The following ZSWIM5 variants were observed in gnomAD, a reference collection of about 807,000 sequenced individuals.
ZSWIM5 encodes zinc finger SWIM-type containing 5, also known as zinc finger SWIM domain-containing protein 5.
A neutral mutation model predicts 119.6 loss-of-function variants in ZSWIM5; 55 were observed. That is an observed-to-expected ratio of 0.46 (90% CI 0.37 to 0.58). The LOEUF (loss-of-function observed/expected upper bound fraction) is 0.58. Ranked by LOEUF, ZSWIM5 falls within the 20% of genes least tolerant of loss-of-function variation. ZSWIM5 has a pLI of 0.00. For missense variants in ZSWIM5, 1,193 were observed against 1,512.8 expected, an observed-to-expected ratio of 0.79 and a Z score of 3.51; for synonymous variants, 537 against 606.9, an observed-to-expected ratio of 0.88 and a Z score of 1.69.
At chr1:45,032,477 T>C (rs189704835) in intron 11 of ZSWIM5, among the ~76,000 whole-genome samples, 1 of 122,554 alleles carries the variant, frequency 8.2e-6, no homozygotes, top group Non-Finnish European at 1.6e-5. Context: ...AATTCTAGTT[T>C]GACAGTTTTT....
At chr1:45,082,802 G>A (rs1039277317) in intron 2 of ZSWIM5, among the ~76,000 whole-genome samples, 2 of 152,202 alleles carry the variant, frequency 1.3e-5, no homozygotes, top group South Asian at 4.1e-4. Context: ...GAAGTGTAAT[G>A]AGGAATGTAG....
intron 1 of ZSWIM5, among the ~76,000 whole-genome samples, chr1:45,113,891 G>A (rs1265712984): frequency 6.6e-6 from 1 of 152,114 alleles, no homozygotes; most frequent in Non-Finnish European, 1.5e-5. Context: ...AAACCATCCT[G>A]ATCACTTAAT....
chr1:45,186,534 G>C (rs1646060384), intron 1 of ZSWIM5, among the ~76,000 whole-genome samples: 1 of 151,946 alleles, frequency 6.6e-6, no homozygotes, highest in Admixed American at 6.6e-5. Context: ...AAAAGACATG[G>C]AAAGAGATTC....
chr1:45,065,320 G>C (rs1269767606), intron 2 of ZSWIM5, among the ~76,000 whole-genome samples: 3 of 152,186 alleles, frequency 2.0e-5, no homozygotes, highest in African/African-American at 7.2e-5. Flanking sequence ...CCCTGGGGTG[G>C]TTAAGTTAGG....
chr1:45,056,778 G>A (rs1342542242), intron 4 of ZSWIM5, among the ~76,000 whole-genome samples: 1 of 152,172 alleles, frequency 6.6e-6, no homozygotes, highest in African/African-American at 2.4e-5. Context: ...GGCCTTTCAT[G>A]ACAGCAGAGA....
At chr1:45,041,255 T>C (rs776765015) in intron 6 of ZSWIM5, among the ~76,000 whole-genome samples, 4 of 152,154 alleles carry the variant, frequency 2.6e-5, no homozygotes, top group Non-Finnish European at 4.4e-5. Flanking sequence ...TGGCCTAAGA[T>C]AGCCTGGAAA....
intron 7 of ZSWIM5, 123 bp downstream of exon 7, chr1:45,040,269 T>G (rs1437994497): frequency 9.6e-7 from 1 of 1,041,756 alleles, no homozygotes; most frequent in Non-Finnish European, 1.4e-6. Flanking sequence ...AAAGATAAAG[T>G]GAGGCATTCC....
At chr1:45,101,522 C>T (rs1645439514) in intron 1 of ZSWIM5, among the ~76,000 whole-genome samples, 1 of 152,100 alleles carries the variant, frequency 6.6e-6, no homozygotes, top group Admixed American at 6.6e-5. Flanking sequence ...ACCATTTGAC[C>T]CAGAGATTCC....
intron 1 of ZSWIM5, among the ~76,000 whole-genome samples, chr1:45,177,849 TG>T (rs979836709): frequency 1.3e-5 from 2 of 152,066 alleles, no homozygotes; most frequent in Non-Finnish European, 2.9e-5. Flanking sequence ...CACTGAGTTT[TG>T]TGACTTGATA....
At chr1:45,096,546 A>ACACACG (rs1316697888) in intron 1 of ZSWIM5, among the ~76,000 whole-genome samples, 5 of 151,166 alleles carry the variant, frequency 3.3e-5, no homozygotes, top group African/African-American at 1.2e-4. Context: ...ACACACACAC[A>ACACACG]CACACACGCA....
chr1:45,051,313 A>C (rs1032306827), intron 4 of ZSWIM5, 60 bp from the exon 5 acceptor site: 35 of 1,438,392 alleles, frequency 2.4e-5, no homozygotes, highest in Non-Finnish European at 3.2e-5. Flanking sequence ...TGTAAGCCTT[A>C]ATGTTTCAGT....
chr1:45,093,491 A>T (rs930079855), intron 1 of ZSWIM5, among the ~76,000 whole-genome samples: 1 of 152,246 alleles, frequency 6.6e-6, no homozygotes, highest in African/African-American at 2.4e-5. Flanking sequence ...TCTTGGGAAC[A>T]TGTTCATTTG....
At chr1:45,094,416 C>G (rs1333994050) in intron 1 of ZSWIM5, among the ~76,000 whole-genome samples, 1 of 152,028 alleles carries the variant, frequency 6.6e-6, no homozygotes, top group Non-Finnish European at 1.5e-5. Context: ...CCAGGGTGAT[C>G]TCAAACTCTG....
At position 45,087,814 on chromosome 1, in the gene ZSWIM5, AG is replaced by A. The variant is rs1209679417; in HGVS notation, c.952+66del. ...AATAAAGCAACAAAGTAGAGGTAAG[AG>A]GGTTGCTTTGGTGACAGTGGTGATG... On this transcript the variant is annotated intron_variant, in intron 2 of 13. Transcript: ENST00000359600. The A allele has an allele frequency of 4.4e-6, 5 of 1,130,000 alleles. No homozygotes were observed. The African/African-American group carries it at 7.8e-5, about 18-fold the overall frequency. 70.0% of individuals were successfully genotyped at this position (1,130,000 alleles called of 1,614,324 possible).
At chr1:45,102,701 A>G (rs1345294959) in intron 1 of ZSWIM5, among the ~76,000 whole-genome samples, 1 of 152,214 alleles carries the variant, frequency 6.6e-6, no homozygotes, top group Non-Finnish European at 1.5e-5. Context: ...AGGATTAAGC[A>G]TGTTTATAAA....
chr1:45,035,548 A>G (rs1469182137), intron 10 of ZSWIM5, 140 bp downstream of exon 10: 5 of 1,081,924 alleles, frequency 4.6e-6, no homozygotes, highest in Non-Finnish European at 6.5e-6. Flanking sequence ...AAAATATCTG[A>G]GCCATTTTAA....
At chr1:45,091,930 T>C (rs140696613) in intron 1 of ZSWIM5, among the ~76,000 whole-genome samples, 69 of 152,018 alleles carry the variant, frequency 4.5e-4, no homozygotes, top group African/African-American at 1.6e-3. Context: ...TTCATCACTA[T>C]GTTATAAAAA....
At chr1:45,135,692 T>C (rs761044119) in intron 1 of ZSWIM5, among the ~76,000 whole-genome samples, 5 of 152,190 alleles carry the variant, frequency 3.3e-5, no homozygotes, top group Non-Finnish European at 7.3e-5. Flanking sequence ...AACTGAAGAC[T>C]ATAAGCCATT....
intron 6 of ZSWIM5, 83 bp downstream of exon 6, chr1:45,043,136 G>T: frequency 7.4e-7 from 1 of 1,346,316 alleles, no homozygotes; most frequent in Non-Finnish European, 1.0e-6. Flanking sequence ...AGTTTGAGTT[G>T]CAGGTACGTA....
Sources: allele counts gnomAD v4.1 joint callset (sites outside exome capture counted in the v4.1 genomes callset), GRCh38; gene constraint gnomAD v4.1.1; transcripts MANE v1.5; gene names NCBI Gene and HGNC (gene_info 2026-07-23, HGNC 2026-07-21).